FHL5: variants seen among roughly 807,000 people sequenced by gnomAD.
The protein encoded by FHL5 is four and a half LIM domains 5, also known as four and a half LIM domains protein 5.
Under a neutral mutation model 32.0 loss-of-function variants are expected in FHL5, and 33 were observed. The ratio of observed to expected loss-of-function variants is 1.03; its 90% CI spans 0.78 to 1.38. The LOEUF (loss-of-function observed/expected upper bound fraction) is 1.38. Ranked by LOEUF, FHL5 falls within the 40% of genes most tolerant of loss-of-function variation. The probability of loss-of-function intolerance (pLI) is 0.00; values close to 1 mark genes in which losing one functional copy is unlikely to be tolerated. For missense variants in FHL5, 336 were observed against 343.9 expected (o/e 0.98, Z 0.18); for synonymous variants, 114 against 113.6 (o/e 1.00, Z -0.02).
At chr6:96,613,122 C>A (rs748111233) in intron 5 of FHL5, among the ~76,000 whole-genome samples, 5 of 152,188 alleles carry the variant, frequency 3.3e-5, no homozygotes, top group Middle Eastern at 3.4e-3. Flanking sequence ...ACCACACACA[C>A]AAAAAAGCAT....
intron 1 of FHL5, among the ~76,000 whole-genome samples, chr6:96,567,641 T>C (rs537653109): frequency 6.6e-6 from 1 of 151,910 alleles, no homozygotes; most frequent in South Asian, 2.1e-4. Flanking sequence ...CTTTCCATTT[T>C]TTGTGTCTTC....
chr6:96,575,236 G>A (rs1422443059), intron 1 of FHL5, among the ~76,000 whole-genome samples: 1 of 152,096 alleles, frequency 6.6e-6, no homozygotes, highest in Admixed American at 6.5e-5. Context: ...AACAGACCAA[G>A]AATAAAACTA....
intron 1 of FHL5, among the ~76,000 whole-genome samples, chr6:96,599,971 C>A (rs1340055652): frequency 6.6e-6 from 1 of 152,204 alleles, no homozygotes. Flanking sequence ...TAGTCCTCAT[C>A]CTCTTTCCTA....
chr6:96,617,810 G>A lies in FHL5; in HGVS notation c.*2038G>A, dbSNP rs944146090. Among the ~76,000 whole-genome samples the A allele has an allele frequency of 6.6e-6, 1 of 152,084 alleles. No individual in the cohort carries two copies. The highest frequency in any genetic ancestry group is 1.5e-5 in the Non-Finnish European group (1 of 68,014). ...AGTGAGTATGCACATGATCAGACTT[G>A]TATTCTAGCTTTACAATTAAAATTC... On this transcript the variant is annotated 3_prime_UTR_variant, in exon 6 of 6. Coordinates refer to ENST00000450218, the MANE Select transcript of FHL5 (RefSeq NM_001322466.2).
At chr6:96,578,568 A>G (rs924839744) in intron 1 of FHL5, among the ~76,000 whole-genome samples, 4 of 152,132 alleles carry the variant, frequency 2.6e-5, no homozygotes, top group African/African-American at 9.7e-5. Context: ...GGCACCACGC[A>G]CAGTGGCTCA....
chr6:96,589,689 G>A (rs1435200033), intron 1 of FHL5, among the ~76,000 whole-genome samples: 1 of 151,894 alleles, frequency 6.6e-6, no homozygotes, highest in African/African-American at 2.4e-5. Flanking sequence ...TTAGTCTAGT[G>A]TATTAAATTT....
chr6:96,568,385 C>T (rs955376183), intron 1 of FHL5, among the ~76,000 whole-genome samples: 2 of 151,842 alleles, frequency 1.3e-5, no homozygotes, highest in African/African-American at 4.8e-5. Context: ...AGGATTTTTG[C>T]ATCTATGCTC....
chr6:96,582,141 A>G (rs892128500), intron 1 of FHL5, among the ~76,000 whole-genome samples: 1 of 152,190 alleles, frequency 6.6e-6, no homozygotes, highest in Non-Finnish European at 1.5e-5. Flanking sequence ...TTTAAAATGA[A>G]TAACAGAGCA....
chr6:96,609,971 C>T (rs928996011), intron 4 of FHL5, among the ~76,000 whole-genome samples: 3 of 152,138 alleles, frequency 2.0e-5, no homozygotes, highest in African/African-American at 7.2e-5. Context: ...TGAAAAAACA[C>T]TTAAGAAATG....
At chr6:96,581,790 C>A (rs148757453) in intron 1 of FHL5, among the ~76,000 whole-genome samples, 2 of 152,126 alleles carry the variant, frequency 1.3e-5, no homozygotes, top group African/African-American at 4.8e-5. Flanking sequence ...TTTTTAAAAA[C>A]CCTGGCACAA....
In FHL5 at chr6:96,617,155, C is replaced by T. The variant is rs1221029169; in HGVS notation, c.*1383C>T. Among the ~76,000 whole-genome samples the T allele has an allele frequency of 6.6e-6, 1 of 152,148 alleles. No individual in the cohort carries two copies. The highest frequency in any genetic ancestry group is 2.4e-5 in the African/African-American group (1 of 41,430). On this transcript the variant is annotated 3_prime_UTR_variant, in exon 6 of 6. Coordinates refer to ENST00000450218, the MANE Select transcript of FHL5 (RefSeq NM_001322466.2). ...CTACCCCTGGATATTTTCCACATTA[C>T]TTGGGACAAATGGAAAGCAACCTCT...
chr6:96,579,415 A>G (rs1310672936), intron 1 of FHL5, among the ~76,000 whole-genome samples: 2 of 152,174 alleles, frequency 1.3e-5, no homozygotes, highest in Non-Finnish European at 2.9e-5. Context: ...TTTCCTATAC[A>G]TTGTGTCAAT....
At chr6:96,590,160 T>A (rs189485516) in intron 1 of FHL5, among the ~76,000 whole-genome samples, 4 of 152,146 alleles carry the variant, frequency 2.6e-5, no homozygotes, top group Non-Finnish European at 4.4e-5. Flanking sequence ...CATTTCTTTA[T>A]AAGTTATGGA....
intron 1 of FHL5, among the ~76,000 whole-genome samples, chr6:96,588,145 T>C (rs1324954579): frequency 6.6e-6 from 1 of 152,252 alleles, no homozygotes; most frequent in Non-Finnish European, 1.5e-5. Context: ...AAAATTGTTT[T>C]TCAAAGTGAT....
rs771119009 is a variant in FHL5, at chr6:96,615,775, G to C, written c.*3G>C. 2.5e-6 allele frequency: 4 copies of C among 1,599,660 alleles called. No homozygotes were observed. In the South Asian group the frequency reaches 4.5e-5, roughly 18 times the overall value. ...CCGGAATGGACACTGACATCTAGGA[G>C]ACAGTCCTTGCCCACCTAAAATCCA... On this transcript the variant is annotated 3_prime_UTR_variant, in exon 6 of 6. Transcript: ENST00000450218.
At chr6:96,584,436 T>C (rs1269038118) in intron 1 of FHL5, among the ~76,000 whole-genome samples, 2 of 58,770 alleles carry the variant, frequency 3.4e-5, no homozygotes, top group South Asian at 1.2e-3. Context: ...AGGTGGGATA[T>C]GTGTGTGTGT....
chr6:96,605,405 T>C (rs577808063), intron 3 of FHL5, among the ~76,000 whole-genome samples: 2 of 152,326 alleles, frequency 1.3e-5, no homozygotes, highest in East Asian at 3.9e-4. Flanking sequence ...TCTTTATATT[T>C]TGATCTTCTC....
At chr6:96,608,129 AATG>A (rs1255267623) in intron 4 of FHL5, among the ~76,000 whole-genome samples, 1 of 152,220 alleles carries the variant, frequency 6.6e-6, no homozygotes, top group Admixed American at 6.5e-5. Flanking sequence ...CTAAAACAGT[AATG>A]ATATTTGTGA....
rs547545713 is a variant in FHL5, at chr6:96,594,807, A to C, written c.-12-8795A>C. 2.0e-5 allele frequency among the ~76,000 whole-genome samples: 3 copies of C among 152,080 alleles called. No individual in the cohort carries two copies. In the East Asian group the frequency reaches 5.8e-4, roughly 29 times the overall value. On this transcript the variant is annotated intron_variant, in intron 1 of 5. Coordinates refer to ENST00000450218, the MANE Select transcript of FHL5 (RefSeq NM_001322466.2). The stretch of plus-strand genomic sequence containing the variant: ...TCTATGTTTAGAGTTTTCCATTAAA[A>C]TTTAACAAATCTAATGACTTATTAT...
Sources: gnomAD v4.1 joint callset for allele counts (sites outside exome capture counted in the v4.1 genomes callset) on GRCh38, gnomAD v4.1.1 for gene constraint, MANE v1.5 for transcripts, NCBI Gene and HGNC (gene_info 2026-07-23, HGNC 2026-07-21) for gene names.